CACNA1E: variants seen among roughly 807,000 people sequenced by gnomAD.
The protein encoded by CACNA1E is calcium voltage-gated channel subunit alpha1 E.
A neutral mutation model predicts 259.2 loss-of-function variants in CACNA1E; 40 were observed. The ratio of observed to expected loss-of-function variants is 0.15; its 90% CI spans 0.12 to 0.20. The LOEUF (loss-of-function observed/expected upper bound fraction) is 0.20. CACNA1E is among the 10% of genes least tolerant of loss of function. The pLI is 1.00. For synonymous variants in CACNA1E, 1,104 were observed against 1,138.5 expected (o/e 0.97, Z 0.61); for missense variants, 1,874 against 3,040.1 (o/e 0.62, Z 9.02).
intron 7 of CACNA1E, among the ~76,000 whole-genome samples, chr1:181,710,288 C>T (rs1334921890): frequency 1.3e-5 from 2 of 148,600 alleles, no homozygotes; most frequent in African/African-American, 2.5e-5. Flanking sequence ...CAGTCACCTT[C>T]GAATAGCATT....
chr1:181,712,789 G>A (rs1003905073), intron 8 of CACNA1E, among the ~76,000 whole-genome samples: 10 of 152,038 alleles, frequency 6.6e-5, no homozygotes, highest in Admixed American at 2.0e-4. Context: ...TGGCTTTCTC[G>A]GCGGAGGAGC....
chr1:181,373,220 T>G (rs1003607588), intron 1 of CACNA1E, among the ~76,000 whole-genome samples: 2 of 152,204 alleles, frequency 1.3e-5, no homozygotes, highest in African/African-American at 2.4e-5. Context: ...TACCAGCTCC[T>G]TCATTGTATT....
intron 3 of CACNA1E, among the ~76,000 whole-genome samples, chr1:181,574,582 G>A (rs747567830): frequency 6.6e-6 from 1 of 152,308 alleles, no homozygotes; most frequent in African/African-American, 2.4e-5. Flanking sequence ...TGAGTAAAAT[G>A]GTGCCTCCAT....
chr1:181,369,338 G>T (rs770097777), intron 1 of CACNA1E, among the ~76,000 whole-genome samples: 1 of 152,174 alleles, frequency 6.6e-6, no homozygotes. Flanking sequence ...CTGTTTCTTG[G>T]TCTGACTTGG....
At chr1:181,787,679 G>A (rs554416264) in intron 43 of CACNA1E, among the ~76,000 whole-genome samples, 10 of 152,296 alleles carry the variant, frequency 6.6e-5, no homozygotes, top group Admixed American at 4.6e-4. Flanking sequence ...ACAGGCAAAC[G>A]ATGCTGAAGG....
intron 2 of CACNA1E, among the ~76,000 whole-genome samples, chr1:181,462,787 T>C (rs1661906316): frequency 6.6e-6 from 1 of 152,222 alleles, no homozygotes; most frequent in Admixed American, 6.5e-5. Flanking sequence ...TGCAGCAAAA[T>C]GAACATTTGT....
rs148719824 is a variant in CACNA1E, at chr1:181,733,468, G to A, written c.2980G>A (p.Gly994Arg). 47 of 1,554,176 alleles carry A rather than the reference G, an allele frequency of 3.0e-5. No individual in the cohort carries two copies. Among genetic ancestry groups the A allele is most frequent in the African/African-American group, 1.8e-4 (13 of 73,368 alleles). The part of the protein sequence containing the change: ...TNSLMVSRGS[G>R]LAGGLDEADT... ...CAGTCTGATGGTGTCCAGAGGCTCC[G>A]GGCTGGCAGGAGGCCTTGATGAGGC... The change falls in exon 21 of 48, where the codon GGG becomes AGG. Residue 994 changes from glycine (G) to arginine (R), a missense_variant. Gly to Arg is a moderately radical substitution (Grantham distance 125). This residue lies in a region of CACNA1E where 476 missense variants were observed against 514.0 expected (regional missense o/e 0.93). Transcript: ENST00000367573.
At chr1:181,490,225 C>T (rs1664191882) in intron 1 of CACNA1E, among the ~76,000 whole-genome samples, 2 of 152,190 alleles carry the variant, frequency 1.3e-5, no homozygotes, top group African/African-American at 4.8e-5. Flanking sequence ...TTAAGGGGAA[C>T]AGCAATGAAT....
intron 6 of CACNA1E, among the ~76,000 whole-genome samples, chr1:181,601,580 T>C (rs1237747854): frequency 6.6e-6 from 1 of 152,196 alleles, no homozygotes; most frequent in East Asian, 1.9e-4. Context: ...ACCCCACATT[T>C]AACTCATCAG....
At chr1:181,645,874 G>T (rs1558222674) in intron 6 of CACNA1E, among the ~76,000 whole-genome samples, 2 of 152,224 alleles carry the variant, frequency 1.3e-5, no homozygotes, top group Non-Finnish European at 2.9e-5. Flanking sequence ...TCCAAGACAT[G>T]GAATCCAAGT....
At chr1:181,443,234 G>A (rs1660608608) in intron 2 of CACNA1E, among the ~76,000 whole-genome samples, 1 of 152,218 alleles carries the variant, frequency 6.6e-6, no homozygotes. Context: ...TGCAGAATAT[G>A]AAATACCAGA....
At chr1:181,424,026 A>G (rs1276371972) in intron 2 of CACNA1E, among the ~76,000 whole-genome samples, 1 of 152,180 alleles carries the variant, frequency 6.6e-6, no homozygotes, top group Non-Finnish European at 1.5e-5. Flanking sequence ...TGCAAAATCC[A>G]ACCTTCTCAC....
chr1:181,634,934 A>G (rs993590147), intron 6 of CACNA1E, among the ~76,000 whole-genome samples: 6 of 152,044 alleles, frequency 3.9e-5, no homozygotes, highest in Non-Finnish European at 8.8e-5. Context: ...CCTTTTCCTC[A>G]TAAGCCGATC....
At chr1:181,327,869 C>T (rs900661036) in intron 1 of CACNA1E, among the ~76,000 whole-genome samples, 4 of 152,180 alleles carry the variant, frequency 2.6e-5, no homozygotes, top group African/African-American at 9.7e-5. Context: ...TGTGGGTTGG[C>T]TGGTGGTTCC....
intron 20 of CACNA1E, among the ~76,000 whole-genome samples, 170 bp downstream of exon 20, chr1:181,733,204 C>T (rs922638619): frequency 2.6e-5 from 4 of 152,222 alleles, no homozygotes; most frequent in African/African-American, 9.6e-5. Flanking sequence ...GCTCTGTCCC[C>T]CCAAAAACGA....
chr1:181,437,722 G>C (rs1041137558), intron 2 of CACNA1E, among the ~76,000 whole-genome samples: 1 of 152,132 alleles, frequency 6.6e-6, no homozygotes, highest in Non-Finnish European at 1.5e-5. Flanking sequence ...CTCTGTTGCT[G>C]GTTCTTGCTC....
chr1:181,546,413 C>T (rs1039467357), intron 3 of CACNA1E, among the ~76,000 whole-genome samples: 2 of 152,170 alleles, frequency 1.3e-5, no homozygotes, highest in African/African-American at 4.8e-5. Flanking sequence ...CACCAGGCCT[C>T]AGCCCCCTTG....
chr1:181,680,345 C>T (rs935352921), intron 7 of CACNA1E, among the ~76,000 whole-genome samples: 9 of 152,148 alleles, frequency 5.9e-5, no homozygotes, highest in East Asian at 1.9e-4. Context: ...CCAGGTCTGA[C>T]GTGCTATGAT....
At chr1:181,506,136 C>T (rs1415184775) in intron 1 of CACNA1E, among the ~76,000 whole-genome samples, 1 of 152,188 alleles carries the variant, frequency 6.6e-6, no homozygotes, top group Non-Finnish European at 1.5e-5. Context: ...CCATCTTGTC[C>T]CTGATTGTGG....
Sources: allele counts gnomAD v4.1 joint callset (sites outside exome capture counted in the v4.1 genomes callset), GRCh38; gene constraint gnomAD v4.1.1; regional missense constraint gnomAD v4.1.1; transcripts MANE v1.5; gene names NCBI Gene and HGNC (gene_info 2026-07-23, HGNC 2026-07-21).